ST18: variants seen among roughly 807,000 people sequenced by gnomAD.
ST18 encodes the protein ST18 C2H2C-type zinc finger transcription factor, also known as suppression of tumorigenicity 18 protein.
Under a neutral mutation model 110.0 loss-of-function variants are expected in ST18, and 50 were observed. The observed-to-expected ratio is 0.45, with a 90% confidence interval of 0.36 to 0.58. ST18 has a LOEUF of 0.58. Ranked by LOEUF, ST18 falls within the 20% of genes least tolerant of loss-of-function variation. The probability of loss-of-function intolerance (pLI) is 0.00; values close to 1 mark genes in which losing one functional copy is unlikely to be tolerated. For missense variants in ST18, 1,306 were observed against 1,280.1 expected (o/e 1.02, Z -0.31); for synonymous variants, 461 against 452.4 (o/e 1.02, Z -0.24).
chr8:52,352,152 T>G lies in ST18; in HGVS notation c.-465+57176A>C, dbSNP rs564722509. On this transcript the variant is annotated intron_variant, in intron 2 of 25. Coordinates refer to ENST00000689386, the MANE Select transcript of ST18 (RefSeq NM_001352837.2). ...AAACAGAGCACCTGCCCCCCACTTC[T>G]TTGTACACCCATATACTTTGGCACA... Among the ~76,000 whole-genome samples the G allele has an allele frequency of 6.6e-5, 10 of 152,272 alleles. No homozygotes were observed. The South Asian group carries it at 2.1e-3, about 32-fold the overall frequency.
At chr8:52,130,575 C>T (rs2049172396) in intron 22 of ST18, among the ~76,000 whole-genome samples, 2 of 152,184 alleles carry the variant, frequency 1.3e-5, no homozygotes, top group Admixed American at 1.3e-4. Flanking sequence ...ATGCAGAGAT[C>T]CTCCGGGCAT....
At chr8:52,336,613 C>T (rs1812196969) in intron 2 of ST18, among the ~76,000 whole-genome samples, 1 of 152,166 alleles carries the variant, frequency 6.6e-6, no homozygotes. Flanking sequence ...AGGAGGAACT[C>T]GGGAAGAGCC....
chr8:52,345,359 A>G (rs977597679), intron 2 of ST18, among the ~76,000 whole-genome samples: 20 of 152,236 alleles, frequency 1.3e-4, no homozygotes, highest in Non-Finnish European at 2.6e-4. Flanking sequence ...AGAACTTCAC[A>G]TCAACAATTG....
In ST18 at chr8:52,214,410, C is replaced by G. The variant is rs189699077; in HGVS notation, c.1-153G>C. 830 of 650,668 alleles carry G rather than the reference C, an allele frequency of 1.3e-3. 7 individuals are homozygous for G. The highest frequency in any genetic ancestry group is 5.9e-3 in the East Asian group (211 of 35,986). 40.3% of individuals were successfully genotyped at this position (650,668 alleles called of 1,614,324 possible). On this transcript the variant is annotated intron_variant, in intron 6 of 25. Coordinates refer to ENST00000689386, the MANE Select transcript of ST18 (RefSeq NM_001352837.2). ...GGCTCTATAGTACATAACTGTGACTCCCCCCACATACCACCAGCTTTGGAA... is the reference window on the plus strand; with the variant it reads ...GGCTCTATAGTACATAACTGTGACTGCCCCCACATACCACCAGCTTTGGAA...
chr8:52,409,205 A>C (rs1401575195), intron 2 of ST18, 123 bp downstream of exon 2: 1 of 152,262 alleles, frequency 6.6e-6, no homozygotes, highest in African/African-American at 2.4e-5. Context: ...AGGGAGGGGC[A>C]AAAGGTGAGC....
At chr8:52,123,099 A>C (rs1255317597) in intron 23 of ST18, among the ~76,000 whole-genome samples, 2 of 152,170 alleles carry the variant, frequency 1.3e-5, no homozygotes, top group East Asian at 3.9e-4. Context: ...AGGACTAGTA[A>C]AGGTCTTTAA....
Position 52,288,732 on chromosome 8 carries a change from A to G in ST18, c.-464-58655T>C, listed in dbSNP as rs138715670. Among the ~76,000 whole-genome samples, 3 of 152,188 alleles carry G rather than the reference A, an allele frequency of 2.0e-5. No individual in the cohort carries two copies. In the East Asian group the frequency reaches 5.8e-4, roughly 29 times the overall value. ...AAAAAAATAAAAGGAAAAAAGAAAA[A>G]GAGTATTAATGTCACCAGAAAACTT... is the stretch of plus-strand genomic sequence containing the variant. On this transcript the variant is annotated intron_variant, in intron 2 of 25. Coordinates refer to ENST00000689386, the MANE Select transcript of ST18 (RefSeq NM_001352837.2).
chr8:52,263,660 G>T (rs2094771054), intron 2 of ST18, among the ~76,000 whole-genome samples: 1 of 144,228 alleles, frequency 6.9e-6, no homozygotes. Context: ...GGCCAGGCTA[G>T]TCTTGAACTC....
chr8:52,347,848 G>T (rs1818450921), intron 2 of ST18, among the ~76,000 whole-genome samples: 1 of 152,208 alleles, frequency 6.6e-6, no homozygotes, highest in Non-Finnish European at 1.5e-5. Context: ...CACTTGATCA[G>T]TGCAGACTTC....
At chr8:52,227,121 C>T (rs960533652) in intron 3 of ST18, among the ~76,000 whole-genome samples, 11 of 152,108 alleles carry the variant, frequency 7.2e-5, no homozygotes, top group African/African-American at 2.7e-4. Context: ...GCCAATGGGG[C>T]ACTGGATTTT....
At chr8:52,159,250 T>C (rs1312687632) in intron 14 of ST18, 141 bp from the exon 15 acceptor site, 5 of 792,862 alleles carry the variant, frequency 6.3e-6, no homozygotes, top group Non-Finnish European at 7.8e-6. Flanking sequence ...CATGGGAACA[T>C]TAAATGAAGG....
In ST18 at chr8:52,360,614, C is replaced by T. The variant is rs550131599; in HGVS notation, c.-465+48714G>A. ...AAATCCTGTAGCACCTTGGAAAAAT[C>T]AAGTGAACTGAGGCAAATTGTAGGC... is the stretch of plus-strand genomic sequence containing the variant. On this transcript the variant is annotated intron_variant, in intron 2 of 25. Transcript: ENST00000689386. Among the ~76,000 whole-genome samples, 3 of 152,190 alleles carry T rather than the reference C, an allele frequency of 2.0e-5. No individual in the cohort carries two copies. In the East Asian group the frequency reaches 5.8e-4, roughly 29 times the overall value.
intron 2 of ST18, among the ~76,000 whole-genome samples, chr8:52,371,875 A>T (rs1223758002): frequency 6.6e-6 from 1 of 152,230 alleles, no homozygotes; most frequent in Non-Finnish European, 1.5e-5. Flanking sequence ...GGTCTAGCAC[A>T]TACTGTTATA....
intron 23 of ST18, among the ~76,000 whole-genome samples, chr8:52,121,727 G>C (rs905445723): frequency 6.6e-6 from 1 of 152,176 alleles, no homozygotes; most frequent in South Asian, 2.1e-4. Context: ...TGTTTCATCT[G>C]TTTTGGAAGT....
At position 52,172,286 on chromosome 8, in the gene ST18, T is replaced by G. The variant is rs2065236264; in HGVS notation, c.575A>C (p.Asn192Thr). The G allele has an allele frequency of 6.2e-7, 1 of 1,614,086 alleles. No homozygotes were observed. The highest frequency in any genetic ancestry group is 8.5e-7 in the Non-Finnish European group (1 of 1,180,056). ...SQPPFCSSDD[N>T]ESNSESAENG... Reference sequence around the variant, plus strand: ...TTCTGCACTTTCAGAGTTACTTTCATTGTCATCAGAGGAGCAGAAGGGTGG... The same window carrying G: ...TTCTGCACTTTCAGAGTTACTTTCAGTGTCATCAGAGGAGCAGAAGGGTGG... Residue 192 changes from asparagine (N) to threonine (T), a missense_variant, in exon 10 of 26, where the codon AAT becomes ACT. Physicochemically the swap from Asn to Thr is moderately conservative, Grantham distance 65. Coordinates refer to ENST00000689386, the MANE Select transcript of ST18 (RefSeq NM_001352837.2).
At chr8:52,381,287 C>T (rs948448850) in intron 2 of ST18, among the ~76,000 whole-genome samples, 4 of 152,136 alleles carry the variant, frequency 2.6e-5, no homozygotes, top group Non-Finnish European at 4.4e-5. Flanking sequence ...CCTTCCATAA[C>T]GTCTTCTCAG....
chr8:52,192,924 A>G (rs944229093), intron 8 of ST18, among the ~76,000 whole-genome samples: 1 of 152,192 alleles, frequency 6.6e-6, no homozygotes, highest in African/African-American at 2.4e-5. Context: ...CCGTCCTGGC[A>G]GGAGTCACTG....
At chr8:52,337,527 G>A (rs1812702669) in intron 2 of ST18, among the ~76,000 whole-genome samples, 1 of 152,206 alleles carries the variant, frequency 6.6e-6, no homozygotes, top group African/African-American at 2.4e-5. Context: ...GACTGGTGAT[G>A]TATCTATATA....
At chr8:52,378,636 T>C (rs989713419) in intron 2 of ST18, among the ~76,000 whole-genome samples, 1 of 152,218 alleles carries the variant, frequency 6.6e-6, no homozygotes, top group Non-Finnish European at 1.5e-5. Context: ...TATATACATA[T>C]ATGACCCAAG....
Sources: gnomAD v4.1 joint callset for allele counts (sites outside exome capture counted in the v4.1 genomes callset) on GRCh38, gnomAD v4.1.1 for gene constraint, MANE v1.5 for transcripts, NCBI Gene and HGNC (gene_info 2026-07-23, HGNC 2026-07-21) for gene names.